ZMIZ1: variants seen among roughly 807,000 people sequenced by gnomAD.
ZMIZ1 encodes zinc finger MIZ-type containing 1.
Under a neutral mutation model 113.9 loss-of-function variants are expected in ZMIZ1, and 17 were observed. The observed-to-expected ratio is 0.15, with a 90% CI of 0.10 to 0.22. ZMIZ1 has a LOEUF of 0.22. Ranked by LOEUF, ZMIZ1 falls within the 10% of genes least tolerant of loss-of-function variation. ZMIZ1 has a pLI of 1.00. For missense variants in ZMIZ1, 1,059 were observed against 1,477.8 expected, an observed-to-expected ratio of 0.72 and a Z score of 4.65; for synonymous variants, 607 against 603.1, an observed-to-expected ratio of 1.01 and a Z score of -0.09.
At position 79,310,907 on chromosome 10, in the gene ZMIZ1, TCTCTC is replaced by T. The variant is rs1166235944; in HGVS notation, c.2836-13_2836-9del. On this transcript the variant is annotated splice_polypyrimidine_tract_variant and intron_variant, in intron 23 of 24. Coordinates refer to ENST00000334512, the MANE Select transcript of ZMIZ1 (RefSeq NM_020338.4). ...TCACCTCACCTCTCTTCTCTCCCGC[TCTCTC>T]CTCCTCCACAGATGCCACACGCTGG... 6.2e-7 allele frequency: 1 copy of T among 1,608,592 alleles called. No individual in the cohort carries two copies. The highest frequency in any genetic ancestry group is 2.2e-5 in the East Asian group (1 of 44,740).
At chr10:79,239,331 C>G (rs1320324812) in intron 7 of ZMIZ1, among the ~76,000 whole-genome samples, 1 of 119,904 alleles carries the variant, frequency 8.3e-6, no homozygotes, top group Admixed American at 7.6e-5. Context: ...ACTCTATGCT[C>G]TACACTCCCA....
chr10:79,222,616 C>G (rs1044614120), intron 7 of ZMIZ1, among the ~76,000 whole-genome samples: 5 of 152,212 alleles, frequency 3.3e-5, no homozygotes, highest in Non-Finnish European at 7.3e-5. Flanking sequence ...GGGGCTGAGA[C>G]ATGCCCTGGG....
rs754951575 is a variant in ZMIZ1 at position 79,307,437 on chromosome 10, T to C, written c.2701T>C (p.Phe901Leu). 4.3e-6 allele frequency: 7 copies of C among 1,611,796 alleles called. No individual in the cohort carries two copies. In the Admixed American group the frequency reaches 1.0e-4, roughly 23 times the overall value. ...NNYQGHGNFDFPHGNPGGTSM... is the reference protein window; with the variant it reads ...NNYQGHGNFDLPHGNPGGTSM... ...CTACCAAGGCCATGGCAACTTTGAC[T>C]TCCCCCACGGGAACCCTGGAGGGAC... Residue 901 changes from phenylalanine to leucine, a missense_variant, in exon 23 of 25, where the codon TTC becomes CTC. Coordinates refer to ENST00000334512, the MANE Select transcript of ZMIZ1 (RefSeq NM_020338.4).
intron 4 of ZMIZ1, among the ~76,000 whole-genome samples, chr10:79,186,213 CT>C (rs1847346493): frequency 1.3e-5 from 2 of 152,220 alleles, no homozygotes; most frequent in Non-Finnish European, 2.9e-5. Flanking sequence ...AAGCCCTCCC[CT>C]GGTCTGTCCC....
Position 79,299,165 on chromosome 10 carries a change from C to T in ZMIZ1, c.1782C>T (p.Pro594=). The T allele has an allele frequency of 6.2e-7, 1 of 1,608,274 alleles. No individual in the cohort carries two copies. The highest frequency in any genetic ancestry group is 2.2e-5 in the East Asian group (1 of 44,848). ...AVSNHVFHLR[P]TVHQTLMWRS... is the part of the protein sequence containing the mutation. ...GCAACCATGTGTTCCACCTGCGGCC[C>T]ACGGTCCACCAGACGCTGATGTGGA... The change falls in exon 16 of 25, where the codon CCC becomes CCT. Residue 594 remains proline (P), a synonymous_variant. Coordinates refer to ENST00000334512, the MANE Select transcript of ZMIZ1 (RefSeq NM_020338.4).
chr10:79,307,686 G>A, intron 23 of ZMIZ1, 115 bp downstream of exon 23: 1 of 1,216,122 alleles, frequency 8.2e-7, no homozygotes. Flanking sequence ...TGGGTGTGTG[G>A]GCTCAGAATG....
At chr10:79,269,103 G>A (rs933839945) in intron 7 of ZMIZ1, among the ~76,000 whole-genome samples, 2 of 152,024 alleles carry the variant, frequency 1.3e-5, no homozygotes, top group Non-Finnish European at 2.9e-5. Context: ...GGACCAGTGT[G>A]GGGGCCTGGC....
intron 6 of ZMIZ1, among the ~76,000 whole-genome samples, chr10:79,215,634 G>A (rs73302159): frequency 0.067 from 10,217 of 152,142 alleles, 820 homozygotes; most frequent in African/African-American, 0.19. Context: ...ATGCTGACTC[G>A]GAGGGGCAGG....
intron 14 of ZMIZ1, 138 bp from the exon 15 acceptor site, chr10:79,298,268 A>C: frequency 1.0e-6 from 1 of 967,612 alleles, no homozygotes; most frequent in Non-Finnish European, 1.5e-6. Context: ...GCGAGAGAGA[A>C]GAGTTTCCCT....
chr10:79,197,593 CAT>C (rs1294892332), intron 4 of ZMIZ1, among the ~76,000 whole-genome samples: 4 of 144,236 alleles, frequency 2.8e-5, no homozygotes, highest in Non-Finnish European at 4.5e-5. Flanking sequence ...CAACCCAGAC[CAT>C]ACACACACAC....
intron 8 of ZMIZ1, among the ~76,000 whole-genome samples, chr10:79,279,333 G>A (rs1048272902): frequency 6.6e-6 from 1 of 151,348 alleles, no homozygotes; most frequent in East Asian, 1.9e-4. Flanking sequence ...ACGGGGTCGC[G>A]GCCGGGCAGA....
intron 7 of ZMIZ1, among the ~76,000 whole-genome samples, chr10:79,239,568 A>C (rs1434552154): frequency 6.6e-6 from 1 of 152,180 alleles, no homozygotes; most frequent in Admixed American, 6.5e-5. Context: ...TCTGTGTCTC[A>C]GAACCCAGCA....
At chr10:79,213,007 GC>G (rs1848584330) in intron 6 of ZMIZ1, among the ~76,000 whole-genome samples, 1 of 152,124 alleles carries the variant, frequency 6.6e-6, no homozygotes, top group African/African-American at 2.4e-5. Context: ...GTGTCTGGCA[GC>G]CAGGATGACA....
chr10:79,305,753 G>A lies in ZMIZ1; in HGVS notation c.2423+152G>A, dbSNP rs1854642669. The stretch of plus-strand genomic sequence containing the variant: ...CCCACCTCTCTGTCCCTTACCCTCG[G>A]GGGCCTCTGGATCTGGGGACAAATG... On this transcript the variant is annotated intron_variant, in intron 21 of 24. Coordinates refer to ENST00000334512, the MANE Select transcript of ZMIZ1 (RefSeq NM_020338.4). 15 of 829,452 alleles carry A rather than the reference G, an allele frequency of 1.8e-5. 1 individual carries two copies. Among genetic ancestry groups the A allele is most frequent in the Middle Eastern group, 7.0e-4 (2 of 2,852 alleles). 51.4% of individuals were successfully genotyped at this position (829,452 alleles called of 1,614,324 possible).
rs539287223 is a variant in ZMIZ1 at position 79,277,594 on chromosome 10, AC to A, written c.425+271del. On this transcript the variant is annotated intron_variant, in intron 8 of 24. Transcript: ENST00000334512. ...GAACGTTAGAAATTCTGAGCTCAGC[AC>A]CTTCCCTCTTTCTTGACCAGGGTAT... 2.6e-5 allele frequency among the ~76,000 whole-genome samples: 4 copies of A among 152,240 alleles called. No homozygotes were observed. The South Asian group carries it at 8.3e-4, about 32-fold the overall frequency.
intron 1 of ZMIZ1, among the ~76,000 whole-genome samples, chr10:79,080,072 C>T (rs1202872994): frequency 3.3e-5 from 5 of 152,168 alleles, no homozygotes; most frequent in African/African-American, 1.2e-4. Flanking sequence ...TCCAGAGAGC[C>T]GCTGGCCGGC....
intron 5 of ZMIZ1, among the ~76,000 whole-genome samples, chr10:79,202,337 T>G (rs1848135951): frequency 6.6e-6 from 1 of 151,838 alleles, no homozygotes; most frequent in Admixed American, 6.6e-5. Flanking sequence ...GACCCAGTGA[T>G]TCACACCTGT....
chr10:79,075,164 A>AT (rs1402808564), intron 1 of ZMIZ1, among the ~76,000 whole-genome samples: 3 of 152,140 alleles, frequency 2.0e-5, no homozygotes, highest in Non-Finnish European at 4.4e-5. Context: ...GGTCTTGAGG[A>AT]TGGGGGCTTG....
intron 7 of ZMIZ1, among the ~76,000 whole-genome samples, chr10:79,266,306 T>C (rs1442578944): frequency 6.6e-6 from 1 of 152,170 alleles, no homozygotes; most frequent in Non-Finnish European, 1.5e-5. Flanking sequence ...ATTATGGGCA[T>C]GAAAGTGGGG....
Sources: gnomAD v4.1 joint callset for allele counts (sites outside exome capture counted in the v4.1 genomes callset) on GRCh38, gnomAD v4.1.1 for gene constraint, MANE v1.5 for transcripts, NCBI Gene and HGNC (gene_info 2026-07-23, HGNC 2026-07-21) for gene names.